Variants in MARK3 observed in about 807,000 individuals in gnomAD.
The protein encoded by MARK3 is MAP/microtubule affinity-regulating kinase 3.
Under a neutral mutation model 90.1 loss-of-function variants are expected in MARK3, and 46 were observed. The ratio of observed to expected loss-of-function variants is 0.51; its 90% CI spans 0.40 to 0.65. MARK3 has a LOEUF of 0.65. Among genes scored for constraint, MARK3 ranks in the 30% least tolerant of loss-of-function variants. The pLI is 0.00. For synonymous variants in MARK3, 321 were observed against 332.6 expected, an observed-to-expected ratio of 0.97 and a Z score of 0.38; for missense variants, 818 against 947.2, an observed-to-expected ratio of 0.86 and a Z score of 1.79.
In MARK3 at chr14:103,386,249, C is replaced by T. The variant is rs948673700; in HGVS notation, c.51+169C>T. On this transcript the variant is annotated intron_variant, in intron 1 of 17. Coordinates refer to ENST00000429436, the MANE Select transcript of MARK3 (RefSeq NM_001128918.3). ...CGGACCGTTTCCTCCAGAAGTCTGC[C>T]GTGTCCCGCTGTTCGCGGGCGGGTC... 3.0e-5 allele frequency: 22 copies of T among 732,584 alleles called. No homozygotes were observed. In the East Asian group the frequency reaches 5.3e-4, roughly 18 times the overall value. The allele number at this position is 732,584 out of a possible 1,614,324, so 45.4% of individuals were successfully genotyped here.
chr14:103,395,786 T>A (rs1271818182), intron 1 of MARK3, among the ~76,000 whole-genome samples: 1 of 152,250 alleles, frequency 6.6e-6, no homozygotes, highest in Non-Finnish European at 1.5e-5. Context: ...GTTTTCTGTC[T>A]TATATAGCAT....
intron 11 of MARK3, 99 bp from the exon 12 acceptor site, chr14:103,467,915 TCCTCCTCTCTCTGAATGAA>T: frequency 6.2e-6 from 6 of 975,104 alleles, no homozygotes; most frequent in Non-Finnish European, 8.9e-6. Flanking sequence ...ACGTTGTGAT[TCCTCCTCTCTCTGAATGAA>T]CGGTTTATGA....
At chr14:103,400,977 G>GTGTC (rs2090926520) in intron 1 of MARK3, among the ~76,000 whole-genome samples, 1 of 146,580 alleles carries the variant, frequency 6.8e-6, no homozygotes, top group Non-Finnish European at 1.5e-5. Flanking sequence ...GTGTGTGTGT[G>GTGTC]TGTGTATGCA....
chr14:103,418,406 T>C (rs2092053311), intron 2 of MARK3, among the ~76,000 whole-genome samples: 1 of 152,054 alleles, frequency 6.6e-6, no homozygotes, highest in South Asian at 2.1e-4. Flanking sequence ...ACAAGCTGTG[T>C]TTGTATGAAT....
At chr14:103,418,026 G>A (rs1046525205) in intron 2 of MARK3, among the ~76,000 whole-genome samples, 3 of 152,054 alleles carry the variant, frequency 2.0e-5, no homozygotes, top group Non-Finnish European at 2.9e-5. Flanking sequence ...CCGAGATCGC[G>A]CCACTGCACT....
chr14:103,466,163 T>G (rs1328214085), intron 9 of MARK3, 72 bp downstream of exon 9: 29 of 1,552,034 alleles, frequency 1.9e-5, no homozygotes, highest in Middle Eastern at 1.7e-4. Flanking sequence ...TTGCTTGATT[T>G]GTATGCCATA....
chr14:103,429,434 T>C (rs1263717039), intron 3 of MARK3: 1 of 152,200 alleles, frequency 6.6e-6, no homozygotes, highest in African/African-American at 2.4e-5. Flanking sequence ...CACTGCACAG[T>C]TGTGCGATAT....
chr14:103,435,023 GC>G (rs1299615731), intron 3 of MARK3, among the ~76,000 whole-genome samples: 2 of 152,152 alleles, frequency 1.3e-5, no homozygotes, highest in Non-Finnish European at 2.9e-5. Flanking sequence ...AGCAGTAGTG[GC>G]CTTTTTTGGC....
chr14:103,487,526 A>T (rs2093951058), intron 14 of MARK3, among the ~76,000 whole-genome samples: 1 of 151,924 alleles, frequency 6.6e-6, no homozygotes, highest in South Asian at 2.1e-4. Flanking sequence ...GCTGACTAAA[A>T]GCCTTTTCCT....
intron 16 of MARK3, chr14:103,498,733 C>A: frequency 2.9e-6 from 1 of 341,858 alleles, no homozygotes; most frequent in Non-Finnish European, 5.1e-6. Context: ...GGTACCCATG[C>A]AACAAAAGGC....
chr14:103,492,267 A>G (rs1418287072), intron 15 of MARK3, among the ~76,000 whole-genome samples: 1 of 152,066 alleles, frequency 6.6e-6, no homozygotes, highest in African/African-American at 2.4e-5. Context: ...GGTTTTTGTT[A>G]CTGTTCTTTA....
intron 15 of MARK3, among the ~76,000 whole-genome samples, chr14:103,497,667 AC>A (rs1439707096): frequency 6.6e-6 from 1 of 152,060 alleles, no homozygotes; most frequent in Non-Finnish European, 1.5e-5. Flanking sequence ...ATCCCCAATC[AC>A]CTATTTTTTT....
chr14:103,448,836 T>C, intron 3 of MARK3, 83 bp from the exon 4 acceptor site: 2 of 1,354,834 alleles, frequency 1.5e-6, no homozygotes, highest in Non-Finnish European at 2.0e-6. Context: ...GAGAAAAATT[T>C]AAATTTATAT....
intron 14 of MARK3, chr14:103,491,199 A>T (rs937918496): frequency 2.0e-6 from 2 of 1,004,816 alleles, no homozygotes; most frequent in African/African-American, 3.4e-5. Context: ...ATTTTGTTAC[A>T]GTTGTCCACA....
Position 103,465,563 on chromosome 14 carries a change from A to T in MARK3, c.547A>T (p.Asn183Tyr). 6.2e-7 allele frequency: 1 copy of T among 1,611,018 alleles called. No homozygotes were observed. The highest frequency in any genetic ancestry group is 1.3e-5 in the African/African-American group (1 of 74,980). ...CTTGATGTTTTCCCTCTAGGCTGAAAATCTATTGTTAGATGCCGATATGAA... is the reference window on the plus strand; with the variant it reads ...CTTGATGTTTTCCCTCTAGGCTGAATATCTATTGTTAGATGCCGATATGAA... ...RIVHRDLKAE[N>Y]LLLDADMNIK... The change falls in exon 8 of 18, where the codon AAT becomes TAT. Residue 183 changes from asparagine to tyrosine, a missense_variant. Around this residue, in one of 3 missense-constraint regions of MARK3, gnomAD observed 101 missense variants for 175.1 expected, o/e 0.58. Transcript: ENST00000429436.
At position 103,477,997 on chromosome 14, in the gene MARK3, C is replaced by G. The variant is rs1013594261; in HGVS notation, c.1483-2390C>G. On this transcript the variant is annotated intron_variant, in intron 13 of 17. Coordinates refer to ENST00000429436, the MANE Select transcript of MARK3 (RefSeq NM_001128918.3). ...CTGGGCAACAGAGCAAGACCCTGTC[C>G]TTAAAAAAAAAAAAAGTGGCCGGGC... Among the ~76,000 whole-genome samples, 34 of 9,428 alleles carry G rather than the reference C, an allele frequency of 3.6e-3. No individual in the cohort carries two copies. The Admixed American group carries it at 0.056, about 16-fold the overall frequency. 6.2% of individuals were successfully genotyped at this position (9,428 alleles called of 152,430 possible).
intron 3 of MARK3, among the ~76,000 whole-genome samples, chr14:103,431,162 A>G (rs1360561907): frequency 1.3e-5 from 2 of 152,180 alleles, no homozygotes; most frequent in East Asian, 1.9e-4. Flanking sequence ...ATCTGAGTTC[A>G]CTGCAGTCTC....
intron 2 of MARK3, among the ~76,000 whole-genome samples, chr14:103,415,182 C>T (rs1297364863): frequency 7.4e-6 from 1 of 134,908 alleles, no homozygotes; most frequent in Admixed American, 7.3e-5. Flanking sequence ...AAAAGATACT[C>T]ATGAAAAACT....
chr14:103,502,853 A>T (rs1408772094), intron 17 of MARK3, 29 bp from the exon 18 acceptor site: 3 of 1,564,590 alleles, frequency 1.9e-6, no homozygotes, highest in Non-Finnish European at 2.6e-6. Context: ...CTGTACGATT[A>T]AAAATAAACC....
Sources: gnomAD v4.1 joint callset for allele counts (sites outside exome capture counted in the v4.1 genomes callset) on GRCh38, gnomAD v4.1.1 for gene constraint, gnomAD v4.1.1 regional missense constraint, MANE v1.5 for transcripts, NCBI Gene and HGNC (gene_info 2026-07-23, HGNC 2026-07-21) for gene names.